Variants in CAMKMT observed in about 807,000 individuals in gnomAD.
CAMKMT encodes the protein CaM KMT.
A neutral mutation model predicts 48.0 loss-of-function variants in CAMKMT; 53 were observed. That is an observed-to-expected ratio of 1.10 (90% CI 0.89 to 1.39). The LOEUF (loss-of-function observed/expected upper bound fraction) is 1.39. CAMKMT is among the 40% of genes most tolerant of loss of function. The pLI is 0.00. For missense variants in CAMKMT, 428 were observed against 402.7 expected, an observed-to-expected ratio of 1.06 and a Z score of -0.54; for synonymous variants, 165 against 152.3, an observed-to-expected ratio of 1.08 and a Z score of -0.61.
At chr2:44,436,692 G>A (rs1213338802) in intron 3 of CAMKMT, among the ~76,000 whole-genome samples, 1 of 151,942 alleles carries the variant, frequency 6.6e-6, no homozygotes, top group East Asian at 1.9e-4. Flanking sequence ...TCAGATTTAG[G>A]ACTGTGTCAG....
chr2:44,539,424 A>G (rs560494700), intron 3 of CAMKMT, among the ~76,000 whole-genome samples: 1 of 152,254 alleles, frequency 6.6e-6, no homozygotes, highest in Non-Finnish European at 1.5e-5. Flanking sequence ...AAAGTATTTC[A>G]GTGTGAATTT....
intron 7 of CAMKMT, among the ~76,000 whole-genome samples, chr2:44,730,488 G>A (rs183710814): frequency 1.3e-5 from 2 of 152,318 alleles, no homozygotes; most frequent in Admixed American, 6.5e-5. Flanking sequence ...TTGTACTGCT[G>A]CTCACAGCAT....
chr2:44,429,111 C>G (rs1350299988), intron 3 of CAMKMT, among the ~76,000 whole-genome samples: 1 of 152,128 alleles, frequency 6.6e-6, no homozygotes, highest in Non-Finnish European at 1.5e-5. Context: ...TTGAGCCCCA[C>G]CAGTGAAATT....
At chr2:44,698,488 T>C (rs1003159611) in intron 3 of CAMKMT, among the ~76,000 whole-genome samples, 5 of 152,252 alleles carry the variant, frequency 3.3e-5, no homozygotes, top group African/African-American at 1.2e-4. Flanking sequence ...TCCTGGTGCA[T>C]ATAAAAGTTT....
chr2:44,539,889 G>A (rs921163654), intron 3 of CAMKMT, among the ~76,000 whole-genome samples: 3 of 152,088 alleles, frequency 2.0e-5, no homozygotes, highest in African/African-American at 7.2e-5. Context: ...TGATCAATTG[G>A]TGATGACAAA....
At chr2:44,533,424 A>C (rs1666596304) in intron 3 of CAMKMT, among the ~76,000 whole-genome samples, 1 of 151,878 alleles carries the variant, frequency 6.6e-6, no homozygotes, top group Non-Finnish European at 1.5e-5. Flanking sequence ...TTTTTAGTAG[A>C]GACAGGGTTT....
intron 7 of CAMKMT, among the ~76,000 whole-genome samples, chr2:44,733,900 C>G (rs1679215309): frequency 6.6e-6 from 1 of 151,954 alleles, no homozygotes; most frequent in Non-Finnish European, 1.5e-5. Flanking sequence ...TATTTATGGA[C>G]TCTGTATTGA....
At chr2:44,437,797 C>CT (rs1250499386) in intron 3 of CAMKMT, among the ~76,000 whole-genome samples, 147 of 148,036 alleles carry the variant, frequency 9.9e-4, no homozygotes, top group African/African-American at 3.5e-3. Flanking sequence ...AGTGATTCAG[C>CT]CACTGTACTT....
chr2:44,443,320 T>A (rs1168958755), intron 3 of CAMKMT, among the ~76,000 whole-genome samples: 2 of 152,174 alleles, frequency 1.3e-5, no homozygotes, highest in Non-Finnish European at 2.9e-5. Flanking sequence ...TGGTATGCTA[T>A]GGGGAAATTT....
intron 3 of CAMKMT, among the ~76,000 whole-genome samples, chr2:44,675,869 C>T (rs995298126): frequency 1.3e-5 from 2 of 152,110 alleles, no homozygotes; most frequent in Admixed American, 6.5e-5. Flanking sequence ...ATTCTACTTT[C>T]TTTCTTTGTG....
chr2:44,628,934 C>A (rs898982427), intron 3 of CAMKMT, among the ~76,000 whole-genome samples: 63 of 152,060 alleles, frequency 4.1e-4, no homozygotes, highest in Non-Finnish European at 1.8e-4. Flanking sequence ...TATAGCCCAT[C>A]AAATGGTTTA....
At chr2:44,492,825 A>T (rs1669572862) in intron 3 of CAMKMT, among the ~76,000 whole-genome samples, 1 of 151,940 alleles carries the variant, frequency 6.6e-6, no homozygotes, top group Non-Finnish European at 1.5e-5. Context: ...ACTGTAGCAG[A>T]ATATGCTTCT....
chr2:44,603,149 C>G (rs977258886), intron 3 of CAMKMT, among the ~76,000 whole-genome samples: 1 of 152,052 alleles, frequency 6.6e-6, no homozygotes, highest in African/African-American at 2.4e-5. Context: ...AGTGCAGCAG[C>G]ATGATCTTGG....
At chr2:44,558,286 T>C (rs10165552) in intron 3 of CAMKMT, among the ~76,000 whole-genome samples, 97,922 of 151,938 alleles carry the variant, frequency 0.64, 32,044 homozygotes, top group Admixed American at 0.71. Context: ...GTGAGCCTCC[T>C]GCCTTGGCCT....
At chr2:44,458,701 A>G (rs1036541881) in intron 3 of CAMKMT, among the ~76,000 whole-genome samples, 1 of 152,242 alleles carries the variant, frequency 6.6e-6, no homozygotes, top group Admixed American at 6.5e-5. Context: ...GTGTTTTAAC[A>G]GTTTACAAAT....
intron 3 of CAMKMT, among the ~76,000 whole-genome samples, chr2:44,591,639 G>T (rs996374443): frequency 6.6e-6 from 1 of 151,908 alleles, no homozygotes; most frequent in Non-Finnish European, 1.5e-5. Context: ...TTCAACCATT[G>T]TGGAAGTCAG....
chr2:44,415,845 A>G (rs1420487539), intron 3 of CAMKMT, among the ~76,000 whole-genome samples: 1 of 152,192 alleles, frequency 6.6e-6, no homozygotes, highest in Non-Finnish European at 1.5e-5. Flanking sequence ...CTTCATTTCT[A>G]ACCCCTACAC....
chr2:44,421,389 T>G (rs1234363946), intron 3 of CAMKMT, among the ~76,000 whole-genome samples: 1 of 152,146 alleles, frequency 6.6e-6, no homozygotes, highest in Non-Finnish European at 1.5e-5. Flanking sequence ...AGTTATAAAC[T>G]AAAGATCCTC....
intron 3 of CAMKMT, among the ~76,000 whole-genome samples, chr2:44,637,818 A>T (rs371133547): frequency 6.6e-6 from 1 of 152,092 alleles, no homozygotes; most frequent in South Asian, 2.1e-4. Flanking sequence ...TGTAATCCCA[A>T]CACTTTGGGA....
Sources: gnomAD v4.1 joint callset for allele counts (sites outside exome capture counted in the v4.1 genomes callset) on GRCh38, gnomAD v4.1.1 for gene constraint, MANE v1.5 for transcripts, NCBI Gene and HGNC (gene_info 2026-07-23, HGNC 2026-07-21) for gene names.